Variants in FRMD5 observed in about 807,000 individuals in gnomAD.
FRMD5 encodes FERM domain containing 5, also known as FERM domain-containing protein 5.
A neutral mutation model predicts 69.0 loss-of-function variants in FRMD5; 20 were observed. That is an observed-to-expected ratio of 0.29 (90% CI 0.20 to 0.42). The LOEUF (loss-of-function observed/expected upper bound fraction) is 0.42. Ranked by LOEUF, FRMD5 falls within the 10% of genes least tolerant of loss-of-function variation. The probability of loss-of-function intolerance (pLI) is 1.00; values close to 1 mark genes in which losing one functional copy is unlikely to be tolerated. For missense variants in FRMD5, 595 were observed against 708.6 expected, an observed-to-expected ratio of 0.84 and a Z score of 1.82; for synonymous variants, 271 against 260.1, an observed-to-expected ratio of 1.04 and a Z score of -0.40.
At chr15:43,972,659 A>G (rs2090399732) in intron 1 of FRMD5, among the ~76,000 whole-genome samples, 2 of 152,172 alleles carry the variant, frequency 1.3e-5, no homozygotes, top group Non-Finnish European at 1.5e-5. Flanking sequence ...ACTAACCTAT[A>G]CAACTGTACA....
intron 4 of FRMD5, 186 bp downstream of exon 4, chr15:43,919,273 C>T (rs573471982): frequency 4.2e-4 from 313 of 746,672 alleles, no homozygotes; most frequent in Admixed American, 1.6e-3. Flanking sequence ...CACTCTGTTG[C>T]GACTGCACTG....
chr15:44,093,791 C>A (rs1047618899), intron 1 of FRMD5, among the ~76,000 whole-genome samples: 1 of 151,994 alleles, frequency 6.6e-6, no homozygotes, highest in Non-Finnish European at 1.5e-5. Flanking sequence ...CCAGGATGGT[C>A]TCGATCTCCT....
chr15:43,940,530 A>G (rs912635159), intron 1 of FRMD5, among the ~76,000 whole-genome samples: 2 of 152,202 alleles, frequency 1.3e-5, no homozygotes, highest in Non-Finnish European at 2.9e-5. Context: ...CATCATGTCT[A>G]GAGCATGTTC....
chr15:43,951,983 TGTGTGTGTG>T (rs1595553437), intron 1 of FRMD5, among the ~76,000 whole-genome samples: 6 of 139,150 alleles, frequency 4.3e-5, no homozygotes, highest in African/African-American at 1.7e-4. Context: ...GTGTGTGTTG[TGTGTGTGTG>T]TGTGTGTCTG....
intron 1 of FRMD5, among the ~76,000 whole-genome samples, chr15:43,957,520 G>A (rs2090134134): frequency 6.6e-6 from 1 of 152,208 alleles, no homozygotes; most frequent in Admixed American, 6.5e-5. Flanking sequence ...TAGTTAGTTA[G>A]GTGGCTAGAA....
At chr15:44,133,930 A>T (rs1450371387) in intron 1 of FRMD5, among the ~76,000 whole-genome samples, 1 of 152,136 alleles carries the variant, frequency 6.6e-6, no homozygotes, top group African/African-American at 2.4e-5. Flanking sequence ...AATAATAATA[A>T]TAATTTTAGC....
chr15:43,991,435 A>G (rs1889670861), intron 1 of FRMD5, among the ~76,000 whole-genome samples: 1 of 152,190 alleles, frequency 6.6e-6, no homozygotes, highest in African/African-American at 2.4e-5. Context: ...TGCCTGGGAC[A>G]GGTCTTTGCT....
chr15:43,909,724 C>T (rs1242480011), intron 5 of FRMD5, among the ~76,000 whole-genome samples, 158 bp downstream of exon 5: 1 of 152,092 alleles, frequency 6.6e-6, no homozygotes, highest in African/African-American at 2.4e-5. Context: ...AGGTGATCTG[C>T]CCACCTCGGC....
chr15:44,033,573 C>T (rs1471207824), intron 1 of FRMD5, among the ~76,000 whole-genome samples: 1 of 152,074 alleles, frequency 6.6e-6, no homozygotes, highest in East Asian at 1.9e-4. Flanking sequence ...TTCATTTATT[C>T]CATTGTTTAC....
intron 1 of FRMD5, among the ~76,000 whole-genome samples, chr15:44,147,935 CA>C (rs1448121970): frequency 6.6e-6 from 1 of 152,184 alleles, no homozygotes; most frequent in African/African-American, 2.4e-5. Context: ...CTTTGTCCTT[CA>C]AATATCAGTG....
At chr15:44,049,075 G>A (rs1892550240) in intron 1 of FRMD5, among the ~76,000 whole-genome samples, 1 of 152,190 alleles carries the variant, frequency 6.6e-6, no homozygotes, top group Non-Finnish European at 1.5e-5. Flanking sequence ...TGGCTGGCAT[G>A]TGCTACCAGC....
chr15:44,172,918 T>C (rs1007555681), intron 1 of FRMD5, among the ~76,000 whole-genome samples: 1 of 152,308 alleles, frequency 6.6e-6, no homozygotes, highest in South Asian at 2.1e-4. Flanking sequence ...TCACCAACAT[T>C]GTTTCCAACA....
At chr15:43,996,715 A>ATTTTTTTTT (rs11397296) in intron 1 of FRMD5, among the ~76,000 whole-genome samples, 179 of 86,020 alleles carry the variant, frequency 2.1e-3, no homozygotes, top group Non-Finnish European at 2.5e-3. Flanking sequence ...TCCTCAGCTG[A>ATTTTTTTTT]TTTTTTTTTT....
intron 1 of FRMD5, among the ~76,000 whole-genome samples, chr15:44,088,674 T>C (rs1894304890): frequency 6.6e-6 from 1 of 152,208 alleles, no homozygotes; most frequent in African/African-American, 2.4e-5. Flanking sequence ...CTATCAGTTA[T>C]TCATTCCATA....
chr15:43,895,997 C>T (rs1274433100), intron 7 of FRMD5, among the ~76,000 whole-genome samples: 3 of 152,186 alleles, frequency 2.0e-5, no homozygotes, highest in Non-Finnish European at 4.4e-5. Context: ...AGTGAAGAGT[C>T]AACAGTCACC....
In FRMD5 at chr15:44,104,722, C is replaced by A. The variant is rs141214056; in HGVS notation, c.102+90231G>T. Among the ~76,000 whole-genome samples, 14 of 152,250 alleles carry A rather than the reference C, an allele frequency of 9.2e-5. No individual in the cohort carries two copies. In the East Asian group the frequency reaches 2.5e-3, roughly 27 times the overall value. On this transcript the variant is annotated intron_variant, in intron 1 of 13. Coordinates refer to ENST00000417257, the MANE Select transcript of FRMD5 (RefSeq NM_032892.5). ...TAACCTGGGTAGTATATATAGTAGG[C>A]TATGCCATCTAGGGTTGTGTACACT... is the stretch of plus-strand genomic sequence containing the variant.
intron 7 of FRMD5, 79 bp downstream of exon 7, chr15:43,902,096 A>G: frequency 1.0e-6 from 1 of 998,654 alleles, no homozygotes; most frequent in Non-Finnish European, 1.6e-6. Flanking sequence ...GGGGCCTCTG[A>G]GCGCAGGCAT....
At chr15:44,174,277 AT>A (rs1407142196) in intron 1 of FRMD5, among the ~76,000 whole-genome samples, 3 of 152,150 alleles carry the variant, frequency 2.0e-5, no homozygotes, top group African/African-American at 7.2e-5. Flanking sequence ...AATTTTTCTT[AT>A]TAAAAAAAAA....
chr15:43,990,149 A>G (rs370129361), intron 1 of FRMD5: 1 of 589,322 alleles, frequency 1.7e-6, no homozygotes, highest in East Asian at 3.7e-5. Flanking sequence ...TGCCAGAGCC[A>G]TTGTCGACGA....
Sources: allele counts gnomAD v4.1 joint callset (sites outside exome capture counted in the v4.1 genomes callset), GRCh38; gene constraint gnomAD v4.1.1; transcripts MANE v1.5; gene names NCBI Gene and HGNC (gene_info 2026-07-23, HGNC 2026-07-21).